Variants in AUTS2 observed in about 807,000 individuals in gnomAD.
AUTS2 encodes activator of transcription and developmental regulator AUTS2.
In AUTS2, 17 loss-of-function variants were observed where a neutral mutation model predicts 112.4. The ratio of observed to expected loss-of-function variants is 0.15; its 90% CI spans 0.10 to 0.23. The LOEUF (loss-of-function observed/expected upper bound fraction) is 0.23. AUTS2 is among the 10% of genes least tolerant of loss of function. The pLI is 1.00. For missense variants in AUTS2, 1,510 were observed against 1,701.6 expected (o/e 0.89, Z 1.98); for synonymous variants, 751 against 702.7 (o/e 1.07, Z -1.09).
At chr7:69,914,620 C>G (rs1320383122) in intron 2 of AUTS2, among the ~76,000 whole-genome samples, 1 of 151,562 alleles carries the variant, frequency 6.6e-6, no homozygotes, top group African/African-American at 2.4e-5. Context: ...CTAGTGCAGC[C>G]AGGAAAAGCT....
At chr7:70,306,181 GT>G (rs1354050506) in intron 4 of AUTS2, among the ~76,000 whole-genome samples, 3 of 152,328 alleles carry the variant, frequency 2.0e-5, no homozygotes, top group East Asian at 3.9e-4. Context: ...GTTACTTACA[GT>G]TTTGAAAGAA....
At chr7:69,672,528 A>G (rs1251112839) in intron 1 of AUTS2, among the ~76,000 whole-genome samples, 1 of 152,200 alleles carries the variant, frequency 6.6e-6, no homozygotes, top group East Asian at 1.9e-4. Flanking sequence ...AAGAGTAACT[A>G]TAAGGGGTCA....
intron 1 of AUTS2, among the ~76,000 whole-genome samples, chr7:69,631,208 T>C (rs1794223204): frequency 6.6e-6 from 1 of 151,974 alleles, no homozygotes; most frequent in Non-Finnish European, 1.5e-5. Flanking sequence ...TTCATCAGAT[T>C]CTCCAAGGGG....
At chr7:70,002,656 CACTT>C (rs1429953390) in intron 2 of AUTS2, among the ~76,000 whole-genome samples, 1 of 152,132 alleles carries the variant, frequency 6.6e-6, no homozygotes, top group Non-Finnish European at 1.5e-5. Context: ...TTTTAGACGA[CACTT>C]ACAGTGAGTC....
At chr7:70,114,992 G>A (rs565452609) in intron 2 of AUTS2, among the ~76,000 whole-genome samples, 1 of 152,264 alleles carries the variant, frequency 6.6e-6, no homozygotes, top group Admixed American at 6.5e-5. Context: ...AGGGGGTGGT[G>A]TAGGGGTGGA....
chr7:70,361,994 A>G (rs1005564025), intron 4 of AUTS2, among the ~76,000 whole-genome samples: 7 of 152,200 alleles, frequency 4.6e-5, no homozygotes, highest in African/African-American at 1.7e-4. Flanking sequence ...TCAAAGAGAG[A>G]AGTTAGAGTC....
At chr7:69,804,017 G>T (rs553453896) in intron 1 of AUTS2, among the ~76,000 whole-genome samples, 1 of 152,308 alleles carries the variant, frequency 6.6e-6, no homozygotes, top group South Asian at 2.1e-4. Context: ...GGGTGACAGA[G>T]TGAGACTCTT....
intron 15 of AUTS2, 111 bp downstream of exon 15, chr7:70,781,867 C>CAGTT: frequency 4.4e-6 from 6 of 1,376,862 alleles, no homozygotes; most frequent in Non-Finnish European, 5.9e-6. Context: ...TACAAAAATA[C>CAGTT]AGTTAATGCC....
intron 2 of AUTS2, among the ~76,000 whole-genome samples, chr7:70,085,153 ATTG>A (rs1302900903): frequency 6.6e-6 from 1 of 152,126 alleles, no homozygotes; most frequent in African/African-American, 2.4e-5. Flanking sequence ...AAGGTTTCAA[ATTG>A]TGGTGAATAT....
At chr7:70,125,234 G>A (rs1805901187) in intron 3 of AUTS2, among the ~76,000 whole-genome samples, 1 of 144,248 alleles carries the variant, frequency 6.9e-6, no homozygotes, top group African/African-American at 2.6e-5. Context: ...ATACAATTTT[G>A]TTATTTGGAG....
intron 8 of AUTS2, 76 bp downstream of exon 8, chr7:70,765,081 C>T: frequency 1.3e-6 from 2 of 1,552,288 alleles, no homozygotes; most frequent in East Asian, 2.3e-5. Context: ...CCTATGTTGT[C>T]CCGATTGCAA....
chr7:69,888,730 C>T (rs563726726), intron 1 of AUTS2, among the ~76,000 whole-genome samples: 11 of 151,636 alleles, frequency 7.3e-5, no homozygotes, highest in African/African-American at 2.4e-4. Context: ...TACACCTCCA[C>T]GCCTGGCTAA....
chr7:69,641,551 G>T (rs1439729117), intron 1 of AUTS2, among the ~76,000 whole-genome samples: 1 of 152,116 alleles, frequency 6.6e-6, no homozygotes, highest in Non-Finnish European at 1.5e-5. Context: ...GTTTAGACTT[G>T]GAGCAAGTTA....
chr7:69,970,370 G>A (rs1441068111), intron 2 of AUTS2, among the ~76,000 whole-genome samples: 1 of 152,100 alleles, frequency 6.6e-6, no homozygotes, highest in Non-Finnish European at 1.5e-5. Flanking sequence ...AATTGGTTAG[G>A]TAGATATCTG....
At chr7:70,738,195 CA>C (rs1424797918) in intron 6 of AUTS2, among the ~76,000 whole-genome samples, 13 of 152,038 alleles carry the variant, frequency 8.6e-5, no homozygotes, top group Non-Finnish European at 2.9e-5. Flanking sequence ...TGTAAACATG[CA>C]AAAATGCTGG....
At chr7:70,148,862 G>A (rs985838133) in intron 4 of AUTS2, among the ~76,000 whole-genome samples, 5 of 152,036 alleles carry the variant, frequency 3.3e-5, no homozygotes, top group Non-Finnish European at 2.9e-5. Context: ...TATTTCTGTG[G>A]CATGTAAAAC....
chr7:70,072,200 T>A (rs558590425), intron 2 of AUTS2, among the ~76,000 whole-genome samples: 5 of 152,290 alleles, frequency 3.3e-5, no homozygotes, highest in African/African-American at 1.2e-4. Flanking sequence ...TGCCAGCCCC[T>A]CCTTTCTTAT....
intron 2 of AUTS2, among the ~76,000 whole-genome samples, chr7:70,067,974 A>G (rs968893736): frequency 2.0e-5 from 3 of 152,206 alleles, no homozygotes; most frequent in African/African-American, 7.2e-5. Context: ...GTTAAATAAT[A>G]AGTGCACATA....
intron 1 of AUTS2, among the ~76,000 whole-genome samples, chr7:69,858,408 C>G (rs1175747510): frequency 6.6e-6 from 1 of 152,138 alleles, no homozygotes; most frequent in Non-Finnish European, 1.5e-5. Context: ...TGCTAAAACT[C>G]ACCTACCCTG....
Sources: gnomAD v4.1 joint callset for allele counts (sites outside exome capture counted in the v4.1 genomes callset) on GRCh38, gnomAD v4.1.1 for gene constraint, MANE v1.5 for transcripts, NCBI Gene and HGNC (gene_info 2026-07-23, HGNC 2026-07-21) for gene names.